FER1L5: variants seen among roughly 807,000 people sequenced by gnomAD.
FER1L5 encodes the protein fer-1 like family member 5, also known as fer-1-like protein 5.
Under a neutral mutation model 279.9 loss-of-function variants are expected in FER1L5, and 187 were observed. The ratio of observed to expected loss-of-function variants is 0.67; its 90% confidence interval spans 0.59 to 0.75. The LOEUF (loss-of-function observed/expected upper bound fraction) is 0.75, where lower values mean the gene tolerates loss of function less well. Among genes scored for constraint, FER1L5 ranks in the 30% least tolerant of loss-of-function variants. FER1L5 has a pLI of 0.00. For missense variants in FER1L5, 2,091 were observed against 2,594.4 expected, an observed-to-expected ratio of 0.81 and a Z score of 4.21; for synonymous variants, 921 against 989.7, an observed-to-expected ratio of 0.93 and a Z score of 1.30.
chr2:96,663,164 A>G (rs1194334048), intron 13 of FER1L5, among the ~76,000 whole-genome samples: 2 of 152,246 alleles, frequency 1.3e-5, no homozygotes, highest in Non-Finnish European at 2.9e-5. Context: ...TAGTAAGGTC[A>G]GTAGCCTTAT....
chr2:96,673,651 C>T (rs2106591175), intron 19 of FER1L5, among the ~76,000 whole-genome samples: 1 of 152,302 alleles, frequency 6.6e-6, no homozygotes, highest in East Asian at 1.9e-4. Context: ...ACCAACTACC[C>T]CTCCAGCCGT....
intron 52 of FER1L5, 47 bp from the exon 53 acceptor site, chr2:96,704,421 C>T (rs2077711119): frequency 2.5e-6 from 4 of 1,612,228 alleles, no homozygotes; most frequent in Non-Finnish European, 3.4e-6. Context: ...CTGGGGACAG[C>T]GTCTTCAGCT....
chr2:96,651,838 T>C (rs776122140), intron 6 of FER1L5, 54 bp from the exon 7 acceptor site: 113 of 1,550,610 alleles, frequency 7.3e-5, no homozygotes, highest in Admixed American at 1.8e-4. Flanking sequence ...AGAACAATGT[T>C]GTCCCAGCTA....
chr2:96,681,269 C>T (rs986192444), intron 19 of FER1L5, among the ~76,000 whole-genome samples: 1 of 152,260 alleles, frequency 6.6e-6, no homozygotes, highest in East Asian at 1.9e-4. Context: ...TGGGCTTGAG[C>T]CCAGGGGTTT....
chr2:96,665,718 T>G (rs2076104236), intron 14 of FER1L5, among the ~76,000 whole-genome samples: 1 of 151,996 alleles, frequency 6.6e-6, no homozygotes, highest in Non-Finnish European at 1.5e-5. Context: ...TATGAGTAGC[T>G]GGGGCTACAG....
rs375640674 is a variant in FER1L5, at chr2:96,698,943, G to A, written c.4519-102G>A. The A allele has an allele frequency of 2.2e-5, 34 of 1,528,746 alleles. No individual in the cohort carries two copies. Among genetic ancestry groups the A allele is most frequent in the Admixed American group, 1.8e-4 (9 of 50,742 alleles). 94.7% of individuals were successfully genotyped at this position (1,528,746 alleles called of 1,614,324 possible). A position where few individuals can be genotyped will look rare whatever the true frequency, so the allele number is the denominator to read the frequency against. On this transcript the variant is annotated intron_variant, in intron 41 of 52. Transcript: ENST00000624922. This position sits in a 1 kb window ranked among gnomAD's most constrained non-coding sequence, Gnocchi z 5.5. ...AGAATGCCAACTCCCCATAGGCTCC[G>A]TGTGGTGCGAGGGGCTTGTTTCCAC...
chr2:96,677,415 C>T (rs983344314), intron 19 of FER1L5, among the ~76,000 whole-genome samples: 6 of 152,182 alleles, frequency 3.9e-5, no homozygotes, highest in Non-Finnish European at 8.8e-5. Context: ...GCTTCCTTCA[C>T]TTGGCGTAAT....
At position 96,690,602 on chromosome 2, in the gene FER1L5, G is replaced by A. The variant is rs1010534981; in HGVS notation, c.2743+13G>A. On this transcript the variant is annotated intron_variant, in intron 27 of 52. Transcript: ENST00000624922. ...GTGGACAGTAAGGGTCAGTCGTTTG[G>A]TCAGGGTTGGGATCGGGAGAGACCA... 3.2e-6 allele frequency: 5 copies of A among 1,550,474 alleles called. No homozygotes were observed. The highest frequency in any genetic ancestry group is 1.2e-5 in the South Asian group (1 of 84,050).
At chr2:96,646,531 C>G in intron 2 of FER1L5, 78 bp downstream of exon 2, 1 of 1,446,168 alleles carries the variant, frequency 6.9e-7, no homozygotes. Context: ...CAGGAAGGTG[C>G]TCAGAGGTCT....
intron 4 of FER1L5, among the ~76,000 whole-genome samples, chr2:96,649,041 G>T (rs957981531): frequency 6.6e-6 from 1 of 151,864 alleles, no homozygotes; most frequent in South Asian, 2.1e-4. Context: ...CACACGGTGG[G>T]GGGGTGGGGT....
chr2:96,658,963 T>A (rs1329129692), intron 9 of FER1L5, among the ~76,000 whole-genome samples: 1 of 152,122 alleles, frequency 6.6e-6, no homozygotes, highest in Non-Finnish European at 1.5e-5. Context: ...TTTGTTTTTT[T>A]GGGACGGAGT....
intron 51 of FER1L5, 150 bp downstream of exon 51, chr2:96,703,782 G>A (rs954466322): frequency 2.5e-5 from 17 of 674,936 alleles, no homozygotes; most frequent in Non-Finnish European, 3.5e-5. Context: ...CAGACTTGGG[G>A]TGAGGGTTGG....
chr2:96,701,917 C>G (rs768208604), intron 45 of FER1L5, 38 bp from the exon 46 acceptor site: 43 of 1,604,084 alleles, frequency 2.7e-5, no homozygotes, highest in Non-Finnish European at 3.7e-5. Context: ...AGAACAGAGG[C>G]TAGCAACCCC....
At chr2:96,659,581 T>G (rs1458303316) in intron 9 of FER1L5, among the ~76,000 whole-genome samples, 1 of 149,112 alleles carries the variant, frequency 6.7e-6, no homozygotes, top group Non-Finnish European at 1.5e-5. Flanking sequence ...AAGTTCCGCC[T>G]CCCGGGTTCA....
At chr2:96,657,179 T>G (rs1295306932) in intron 9 of FER1L5, among the ~76,000 whole-genome samples, 2 of 151,772 alleles carry the variant, frequency 1.3e-5, no homozygotes, top group Non-Finnish European at 2.9e-5. Flanking sequence ...GTTCAAGCAA[T>G]TCTCATGCCT....
Position 96,642,825 on chromosome 2 carries a change from T to C in FER1L5, c.-12T>C, listed in dbSNP as rs777767030. ...CTGCGTAGGGAAGGAGGGAAGAAAG[T>C]AGGTCTCCGAGATGCTGCGGCTTGT... On this transcript the variant is annotated 5_prime_UTR_variant, in exon 1 of 53. Coordinates refer to ENST00000624922, the MANE Select transcript of FER1L5 (RefSeq NM_001293083.2). 3.2e-6 allele frequency: 5 copies of C among 1,549,992 alleles called. No homozygotes were observed. Among genetic ancestry groups the C allele is most frequent in the Non-Finnish European group, 2.6e-6 (3 of 1,146,226 alleles).
rs1381902809 is a variant in FER1L5 at position 96,690,581 on chromosome 2, A to G, written c.2735A>G (p.Asp912Gly). ...DWVVELNHAV[D>G]SKGWEYGVGI... Reference sequence around the variant, plus strand: ...GTGGTGGAGCTGAACCACGCAGTGGACAGTAAGGGTCAGTCGTTTGGTCAG... The same window carrying G: ...GTGGTGGAGCTGAACCACGCAGTGGGCAGTAAGGGTCAGTCGTTTGGTCAG... Residue 912 changes from aspartate to glycine, a missense_variant, in exon 27 of 53, where the codon GAC becomes GGC. Physicochemically the swap from Asp to Gly is moderately conservative, Grantham distance 94. Transcript: ENST00000624922. 6.4e-7 allele frequency: 1 copy of G among 1,551,540 alleles called. No homozygotes were observed. Among genetic ancestry groups the G allele is most frequent in the East Asian group, 2.4e-5 (1 of 40,922 alleles).
rs2075511844 is a variant in FER1L5, at chr2:96,654,436, T to C, written c.697-10T>C. On this transcript the variant is annotated splice_polypyrimidine_tract_variant and intron_variant, in intron 8 of 52. Transcript: ENST00000624922. ...GAATAATTAAAATATTTCTGGGAAC[T>C]CCCTTGCAGGTGGTGAACTCCTCAG... 1 of 398,896 alleles carries C rather than the reference T, an allele frequency of 2.5e-6. No individual in the cohort carries two copies. The highest frequency in any genetic ancestry group is 4.4e-6 in the Non-Finnish European group (1 of 226,062). 24.7% of individuals were successfully genotyped at this position (398,896 alleles called of 1,614,324 possible).
chr2:96,664,378 T>C (rs1283408079), intron 14 of FER1L5, among the ~76,000 whole-genome samples: 1 of 152,132 alleles, frequency 6.6e-6, no homozygotes, highest in Non-Finnish European at 1.5e-5. Flanking sequence ...CAACCAACAA[T>C]CTGCTTTCTG....
Sources: allele counts gnomAD v4.1 joint callset (sites outside exome capture counted in the v4.1 genomes callset), GRCh38; gene constraint gnomAD v4.1.1; non-coding constraint Gnocchi (gnomAD v3.1); transcripts MANE v1.5; gene names NCBI Gene and HGNC (gene_info 2026-07-23, HGNC 2026-07-21).